Variants in YIPF7 observed in about 807,000 individuals in gnomAD.
YIPF7 encodes Yip1 domain family member 7.
Under a neutral mutation model 27.2 loss-of-function variants are expected in YIPF7, and 35 were observed. The ratio of observed to expected loss-of-function variants is 1.29; its 90% CI spans 0.98 to 1.70. The LOEUF is 1.70. Among genes scored for constraint, YIPF7 ranks in the 40% most tolerant of loss-of-function variants. The probability of loss-of-function intolerance (pLI) is 0.00; values close to 1 mark genes in which losing one functional copy is unlikely to be tolerated. For synonymous variants in YIPF7, 137 were observed against 110.4 expected (o/e 1.24, Z -1.51); for missense variants, 358 against 303.7 (o/e 1.18, Z -1.33).
At chr4:44,634,504 C>G (rs1361122041) in intron 3 of YIPF7, among the ~76,000 whole-genome samples, 1 of 151,972 alleles carries the variant, frequency 6.6e-6, no homozygotes, top group Non-Finnish European at 1.5e-5. Context: ...TGCACTCCAG[C>G]CTCGGCAACA....
intron 2 of YIPF7, among the ~76,000 whole-genome samples, chr4:44,645,796 C>T (rs1393686889): frequency 1.3e-5 from 2 of 151,788 alleles, no homozygotes; most frequent in Admixed American, 1.3e-4. Flanking sequence ...GACTGTAGGG[C>T]TCCTTTAGAA....
chr4:44,623,477 T>A (rs1712515040), intron 5 of YIPF7, among the ~76,000 whole-genome samples: 1 of 152,202 alleles, frequency 6.6e-6, no homozygotes, highest in South Asian at 2.1e-4. Context: ...CCTTACTTGA[T>A]CTTGGTTTGA....
chr4:44,659,307 CA>C (rs1369087020), intron 2 of YIPF7, among the ~76,000 whole-genome samples: 1 of 144,474 alleles, frequency 6.9e-6, no homozygotes, highest in South Asian at 2.3e-4. Flanking sequence ...AATGTAAAGA[CA>C]ATGTATTCGA....
At chr4:44,636,160 T>C (rs1201701491) in intron 2 of YIPF7, 75 bp from the exon 3 acceptor site, 7 of 1,419,840 alleles carry the variant, frequency 4.9e-6, no homozygotes, top group Non-Finnish European at 6.6e-6. Flanking sequence ...ATTACAATTT[T>C]ACTTACATGA....
chr4:44,641,877 C>G (rs1713337235), intron 2 of YIPF7, among the ~76,000 whole-genome samples: 1 of 152,126 alleles, frequency 6.6e-6, no homozygotes, highest in Admixed American at 6.6e-5. Flanking sequence ...ATGTAATATT[C>G]CTAATCTATT....
chr4:44,659,010 A>G (rs1277354536), intron 2 of YIPF7, among the ~76,000 whole-genome samples: 1 of 152,206 alleles, frequency 6.6e-6, no homozygotes, highest in African/African-American at 2.4e-5. Flanking sequence ...ATATAAAAAT[A>G]TGAAATATAT....
chr4:44,625,384 C>T (rs1046765213), intron 4 of YIPF7, among the ~76,000 whole-genome samples: 31 of 152,150 alleles, frequency 2.0e-4, no homozygotes, highest in African/African-American at 6.3e-4. Context: ...GGCTTTTAAC[C>T]TAGGTATTTC....
intron 2 of YIPF7, among the ~76,000 whole-genome samples, chr4:44,642,023 G>A (rs1223839133): frequency 6.6e-6 from 1 of 151,890 alleles, no homozygotes; most frequent in Admixed American, 6.6e-5. Flanking sequence ...AAATGAAAGG[G>A]ACACACAAAG....
chr4:44,651,719 G>A (rs1029902411), upstream of YIPF7: 1 of 769,508 alleles, frequency 1.3e-6, no homozygotes, highest in Non-Finnish European at 2.0e-6. Flanking sequence ...AAAAAAGCCT[G>A]CCAAAAGCCA....
At chr4:44,650,173 C>G (rs1713678916) in intron 1 of YIPF7, 72 bp from the exon 2 acceptor site, 1 of 878,488 alleles carries the variant, frequency 1.1e-6, no homozygotes, top group African/African-American at 1.7e-5. Context: ...TTACAAACAT[C>G]AAATGACAAT....
chr4:44,645,803 A>C (rs1435192959), intron 2 of YIPF7, among the ~76,000 whole-genome samples: 1 of 152,062 alleles, frequency 6.6e-6, no homozygotes, highest in Non-Finnish European at 1.5e-5. Flanking sequence ...GGGCTCCTTT[A>C]GAACAATCAG....
chr4:44,656,661 G>T (rs1167976159), intron 2 of YIPF7, among the ~76,000 whole-genome samples: 1 of 151,870 alleles, frequency 6.6e-6, no homozygotes, highest in Non-Finnish European at 1.5e-5. Flanking sequence ...TTACTCTTGT[G>T]TTCATTATTT....
intron 4 of YIPF7, among the ~76,000 whole-genome samples, chr4:44,627,168 G>C (rs1012460397): frequency 1.3e-5 from 2 of 151,906 alleles, no homozygotes; most frequent in Admixed American, 1.3e-4. Flanking sequence ...CACACTCTTG[G>C]CCCTACCAGA....
intron 2 of YIPF7, among the ~76,000 whole-genome samples, chr4:44,657,151 A>C (rs531633471): frequency 6.6e-6 from 1 of 152,318 alleles, no homozygotes; most frequent in South Asian, 2.1e-4. Flanking sequence ...GTTTGAGGAA[A>C]ATGACCAGAT....
At chr4:44,632,360 C>T (rs187051953) in intron 3 of YIPF7, among the ~76,000 whole-genome samples, 19 of 152,290 alleles carry the variant, frequency 1.2e-4, no homozygotes, top group Non-Finnish European at 2.1e-4. Context: ...CTACTTTCTA[C>T]GCAAATTGTG....
chr4:44,646,443 G>T (rs73812396), intron 2 of YIPF7, among the ~76,000 whole-genome samples: 482 of 152,252 alleles, frequency 3.2e-3, no homozygotes, highest in African/African-American at 0.011. Context: ...ATATTTACCT[G>T]TTAAGGTCCT....
At chr4:44,638,313 CAA>C (rs1713209153) in intron 2 of YIPF7, among the ~76,000 whole-genome samples, 1 of 150,286 alleles carries the variant, frequency 6.7e-6, no homozygotes, top group African/African-American at 2.5e-5. Flanking sequence ...CTGGACTAGG[CAA>C]GCTTGCACTC....
chr4:44,651,024 T>A (rs11945842), intron 1 of YIPF7, among the ~76,000 whole-genome samples: 80,286 of 151,960 alleles, frequency 0.53, 22,570 homozygotes, highest in Non-Finnish European at 0.64. Context: ...TTTAAAAGAG[T>A]GGATTTAAAA....
intron 3 of YIPF7, among the ~76,000 whole-genome samples, chr4:44,632,171 T>G (rs1275371219): frequency 6.6e-6 from 1 of 152,206 alleles, no homozygotes; most frequent in Non-Finnish European, 1.5e-5. Flanking sequence ...TTTTTATTTA[T>G]TATAAGGTAT....
Sources: allele counts gnomAD v4.1 joint callset (sites outside exome capture counted in the v4.1 genomes callset), GRCh38; gene constraint gnomAD v4.1.1; transcripts MANE v1.5; gene names NCBI Gene and HGNC (gene_info 2026-07-23, HGNC 2026-07-21).